DSE: variants seen among roughly 807,000 people sequenced by gnomAD.
The protein encoded by DSE is dermatan sulfate epimerase, also known as dermatan-sulfate epimerase.
In DSE, 36 loss-of-function variants were observed where a neutral mutation model predicts 84.4. The ratio of observed to expected loss-of-function variants is 0.43; its 90% CI spans 0.33 to 0.56. The LOEUF (loss-of-function observed/expected upper bound fraction) is 0.56, where lower values mean the gene tolerates loss of function less well. Ranked by LOEUF, DSE falls within the 20% of genes least tolerant of loss-of-function variation. DSE has a pLI of 0.06. For missense variants in DSE, 862 were observed against 1,169.6 expected, an observed-to-expected ratio of 0.74 and a Z score of 3.84; for synonymous variants, 410 against 430.1, an observed-to-expected ratio of 0.95 and a Z score of 0.58.
intron 1 of DSE, chr6:116,255,030 CAGTT>C (rs1283909013): frequency 2.0e-5 from 3 of 152,140 alleles, no homozygotes; most frequent in African/African-American, 4.8e-5. Context: ...CTATTCGAGT[CAGTT>C]AGCTCTTACA....
intron 1 of DSE, among the ~76,000 whole-genome samples, chr6:116,381,404 T>C (rs1403686006): frequency 6.6e-6 from 1 of 152,138 alleles, no homozygotes; most frequent in African/African-American, 2.4e-5. Flanking sequence ...CTGTTGCTCA[T>C]TTTGCTGAGG....
intron 2 of DSE, among the ~76,000 whole-genome samples, chr6:116,412,198 T>C (rs1161708421): frequency 6.6e-6 from 1 of 152,136 alleles, no homozygotes; most frequent in Non-Finnish European, 1.5e-5. Flanking sequence ...ATTATTTCTC[T>C]TGAATGTAAG....
intron 2 of DSE, 88 bp downstream of exon 2, chr6:116,399,754 T>TG: frequency 7.8e-7 from 1 of 1,286,320 alleles, no homozygotes; most frequent in South Asian, 1.4e-5. Context: ...CAGATCTTCA[T>TG]GTACCTCTTT....
chr6:116,259,821 C>T (rs545809836), intron 2 of DSE, among the ~76,000 whole-genome samples: 4 of 152,290 alleles, frequency 2.6e-5, no homozygotes, highest in African/African-American at 9.6e-5. Context: ...GACATGATCT[C>T]ATTCTTTTTT....
chr6:116,391,081 A>G (rs1780872759), intron 1 of DSE, among the ~76,000 whole-genome samples: 1 of 152,208 alleles, frequency 6.6e-6, no homozygotes, highest in Non-Finnish European at 1.5e-5. Flanking sequence ...GAGCACTTTA[A>G]ACATATTTTA....
At chr6:116,401,186 A>C (rs1439419932) in intron 2 of DSE, 2 of 152,146 alleles carry the variant, frequency 1.3e-5, no homozygotes, top group Admixed American at 1.3e-4. Flanking sequence ...TATAATGTAA[A>C]ATATTTGGGT....
rs1289526654 is a variant in DSE, at chr6:116,339,138, C to T, written c.-53-60060C>T. 3.9e-5 allele frequency among the ~76,000 whole-genome samples: 6 copies of T among 152,242 alleles called. No homozygotes were observed. In the South Asian group the frequency reaches 8.3e-4, roughly 21 times the overall value. On this transcript the variant is annotated intron_variant, in intron 2 of 3. Transcript: ENST00000430252. ...AGATCTCCTCCACCCCAGTCCTGTC[C>T]GTCTGTTCATCATATTCCATGACCA... is the stretch of plus-strand genomic sequence containing the variant.
At chr6:116,283,302 C>G (rs1469348910) in intron 2 of DSE, among the ~76,000 whole-genome samples, 1 of 152,140 alleles carries the variant, frequency 6.6e-6, no homozygotes, top group African/African-American at 2.4e-5. Context: ...TCCTAAGTAG[C>G]CTATGGCTCC....
At chr6:116,404,455 C>A (rs530591069) in intron 2 of DSE, among the ~76,000 whole-genome samples, 1 of 152,280 alleles carries the variant, frequency 6.6e-6, no homozygotes, top group East Asian at 1.9e-4. Context: ...AATTTGTAAA[C>A]CCTGAGGAAC....
At chr6:116,396,872 AT>A (rs1387927653) in intron 1 of DSE, among the ~76,000 whole-genome samples, 1 of 152,182 alleles carries the variant, frequency 6.6e-6, no homozygotes, top group East Asian at 1.9e-4. Flanking sequence ...AAAGAACATG[AT>A]GAATTAACCT....
chr6:116,311,363 C>G (rs1242873524), intron 2 of DSE, among the ~76,000 whole-genome samples: 1 of 151,978 alleles, frequency 6.6e-6, no homozygotes, highest in Admixed American at 6.6e-5. Flanking sequence ...TCTCTAATGC[C>G]CAGAACAATC....
chr6:116,324,578 T>C (rs1776516843), intron 2 of DSE, among the ~76,000 whole-genome samples: 1 of 152,184 alleles, frequency 6.6e-6, no homozygotes. Flanking sequence ...CTTTGGAACC[T>C]ACATGAGATT....
At chr6:116,332,025 A>G (rs1204359016) in intron 2 of DSE, among the ~76,000 whole-genome samples, 1 of 152,210 alleles carries the variant, frequency 6.6e-6, no homozygotes, top group Non-Finnish European at 1.5e-5. Context: ...CAAAGACTCT[A>G]CAGATAGTTC....
At chr6:116,355,340 T>C (rs1778516934) in intron 2 of DSE, among the ~76,000 whole-genome samples, 1 of 152,230 alleles carries the variant, frequency 6.6e-6, no homozygotes, top group Admixed American at 6.5e-5. Flanking sequence ...ATTCTTCTAA[T>C]TTGAGCACTT....
Position 116,431,250 on chromosome 6 carries a change from A to G in DSE, c.910+57A>G. On this transcript the variant is annotated intron_variant, in intron 4 of 5. Transcript: ENST00000644252. ...TAAACTATTGTAATTTTTTCTGATT[A>G]TGAAAATGAGCTAGACTAGGCAGAG... is the stretch of plus-strand genomic sequence containing the variant. The G allele has an allele frequency of 2.5e-6, 4 of 1,592,368 alleles. No homozygotes were observed. The South Asian group carries it at 4.5e-5, about 18-fold the overall frequency.
chr6:116,296,560 TA>T (rs1774679257), intron 2 of DSE, among the ~76,000 whole-genome samples: 1 of 152,200 alleles, frequency 6.6e-6, no homozygotes, highest in African/African-American at 2.4e-5. Context: ...GTGGAGGTGA[TA>T]TTTAAGTTAG....
chr6:116,410,418 T>A (rs1267221667), intron 2 of DSE, among the ~76,000 whole-genome samples: 3 of 152,138 alleles, frequency 2.0e-5, no homozygotes, highest in Non-Finnish European at 2.9e-5. Context: ...GCTCATTTTT[T>A]AAATGTCTTT....
At chr6:116,411,187 T>C (rs1782329056) in intron 2 of DSE, among the ~76,000 whole-genome samples, 1 of 152,118 alleles carries the variant, frequency 6.6e-6, no homozygotes. Context: ...CGTGTGTGTG[T>C]CTCAGTCATA....
intron 2 of DSE, among the ~76,000 whole-genome samples, chr6:116,295,021 G>T (rs76465387): frequency 1.3e-5 from 2 of 152,042 alleles, no homozygotes; most frequent in African/African-American, 4.8e-5. Context: ...GACTGCCCAC[G>T]GTGGGGTGGA....
Sources: gnomAD v4.1 joint callset for allele counts (sites outside exome capture counted in the v4.1 genomes callset) on GRCh38, gnomAD v4.1.1 for gene constraint, MANE v1.5 for transcripts, NCBI Gene and HGNC (gene_info 2026-07-23, HGNC 2026-07-21) for gene names.